PDE3B: variants seen among roughly 807,000 people sequenced by gnomAD.
The protein encoded by PDE3B is cGMP-inhibited 3',5'-cyclic phosphodiesterase 3B.
In PDE3B, 66 loss-of-function variants were observed where a neutral mutation model predicts 116.8. The ratio of observed to expected loss-of-function variants is 0.56; its 90% CI spans 0.46 to 0.69. The LOEUF (loss-of-function observed/expected upper bound fraction) is 0.69, where lower values mean the gene tolerates loss of function less well. Among genes scored for constraint, PDE3B ranks in the 30% least tolerant of loss-of-function variants. The probability of loss-of-function intolerance (pLI) is 0.00; values close to 1 mark genes in which losing one functional copy is unlikely to be tolerated. For synonymous variants in PDE3B, 595 were observed against 533.6 expected, an observed-to-expected ratio of 1.12 and a Z score of -1.59; for missense variants, 1,384 against 1,368.1, an observed-to-expected ratio of 1.01 and a Z score of -0.18.
In PDE3B at chr11:14,644,261, G is replaced by A; in HGVS notation, c.186G>A (p.Pro62=). ...CRFCNVELRP[P]PASPQQPRRC... is the part of the protein sequence containing the mutation. ...TCTGCAACGTGGAGCTGCGGCCGCC[G>A]CCGGCCTCTCCCCAGCAGCCGCGGC... is the stretch of plus-strand genomic sequence containing the variant. Residue 62 remains proline, a synonymous_variant, in exon 1 of 16, where the codon CCG becomes CCA. Transcript: ENST00000282096. The A allele has an allele frequency of 1.3e-6, 2 of 1,567,704 alleles. No individual in the cohort carries two copies. Among genetic ancestry groups the A allele is most frequent in the South Asian group, 1.1e-5 (1 of 86,968 alleles).
the PDE3B span, chr11:14,878,349 AAATT>A: frequency 9.8e-6 from 15 of 1,534,204 alleles, no homozygotes; most frequent in East Asian, 3.2e-4. Context: ...ATCTTTACCA[AAATT>A]AATGTCTAAT....
At chr11:14,681,372 G>A (rs930475428) in intron 1 of PDE3B, among the ~76,000 whole-genome samples, 1 of 152,118 alleles carries the variant, frequency 6.6e-6, no homozygotes, top group African/African-American at 2.4e-5. Flanking sequence ...TAATTGAATT[G>A]TGGGGGAGGG....
chr11:14,718,115 G>T (rs1416691680), intron 1 of PDE3B, among the ~76,000 whole-genome samples: 1 of 144,052 alleles, frequency 6.9e-6, no homozygotes, highest in Non-Finnish European at 1.5e-5. Context: ...GGCAGGGGTT[G>T]CAATCCTAGT....
At chr11:14,862,634 C>T (rs1009827098) in intron 14 of PDE3B, among the ~76,000 whole-genome samples, 7 of 152,074 alleles carry the variant, frequency 4.6e-5, no homozygotes, top group African/African-American at 1.7e-4. Flanking sequence ...AGTGCAGTGG[C>T]GCGATCTCGG....
At chr11:14,676,465 G>A (rs551824736) in intron 1 of PDE3B, among the ~76,000 whole-genome samples, 99 of 152,214 alleles carry the variant, frequency 6.5e-4, no homozygotes, top group Non-Finnish European at 6.9e-4. Context: ...CATAGAAAAA[G>A]TACGGTAAAA....
At chr11:14,830,596 G>A (rs1429023808) in intron 7 of PDE3B, 102 bp from the exon 8 acceptor site, 8 of 488,660 alleles carry the variant, frequency 1.6e-5, no homozygotes, top group Non-Finnish European at 2.4e-5. Flanking sequence ...ACTCCATTAT[G>A]ATTCATTTTA....
chr11:14,662,918 G>T (rs1414213427), intron 1 of PDE3B, among the ~76,000 whole-genome samples: 1 of 152,122 alleles, frequency 6.6e-6, no homozygotes, highest in African/African-American at 2.4e-5. Flanking sequence ...CCCCAATCTA[G>T]CAAGGTAGGC....
Position 14,859,343 on chromosome 11 carries a change from T to G in PDE3B, c.2724+97T>G, listed in dbSNP as rs1406192511. 1.5e-5 allele frequency: 11 copies of G among 733,502 alleles called. No homozygotes were observed. In the South Asian group the frequency reaches 2.3e-4, roughly 15 times the overall value. 45.4% of individuals were successfully genotyped at this position (733,502 alleles called of 1,614,324 possible). On this transcript the variant is annotated intron_variant, in intron 13 of 15. Transcript: ENST00000282096. Reference sequence around the variant, plus strand: ...AATGTTAAGTTAGAATTATTACTACTTAGGAAGTAACAATAAATAGTTGAT... The same window carrying G: ...AATGTTAAGTTAGAATTATTACTACGTAGGAAGTAACAATAAATAGTTGAT...
chr11:14,770,729 G>A (rs1031235649), intron 1 of PDE3B, among the ~76,000 whole-genome samples: 1 of 151,566 alleles, frequency 6.6e-6, no homozygotes, highest in African/African-American at 2.4e-5. Flanking sequence ...TACTGTGTCT[G>A]AATTTTCTTT....
chr11:14,688,970 G>A (rs1361799846), intron 1 of PDE3B, among the ~76,000 whole-genome samples: 2 of 152,054 alleles, frequency 1.3e-5, no homozygotes, highest in East Asian at 1.9e-4. Context: ...GTGAAGTTTC[G>A]CCATGCTGGC....
intron 1 of PDE3B, among the ~76,000 whole-genome samples, chr11:14,717,899 G>A (rs1325718194): frequency 7.3e-6 from 1 of 136,060 alleles, no homozygotes; most frequent in African/African-American, 2.8e-5. Flanking sequence ...CATAATGACA[G>A]GATCAAATTC....
intron 1 of PDE3B, among the ~76,000 whole-genome samples, chr11:14,759,542 G>A (rs1857293801): frequency 6.7e-6 from 1 of 149,158 alleles, no homozygotes; most frequent in South Asian, 2.1e-4. Context: ...CTGTCTATCA[G>A]AAGTAGTTTT....
intron 1 of PDE3B, among the ~76,000 whole-genome samples, chr11:14,757,244 A>G (rs2133882597): frequency 6.6e-6 from 1 of 151,292 alleles, no homozygotes; most frequent in South Asian, 2.1e-4. Context: ...GCTATTGTGA[A>G]TAATGCCGCA....
Position 14,826,299 on chromosome 11 carries a change from A to G in PDE3B, c.1808-4399A>G, listed in dbSNP as rs1484329818. On this transcript the variant is annotated intron_variant, in intron 7 of 15. Coordinates refer to ENST00000282096, the MANE Select transcript of PDE3B (RefSeq NM_000922.4). ...CTGAACTGAAGGTGATTGAGACACAAAAACACCATCCAAAAGATGAATGAA... is the reference window on the plus strand; with the variant it reads ...CTGAACTGAAGGTGATTGAGACACAGAAACACCATCCAAAAGATGAATGAA... 4.6e-5 allele frequency among the ~76,000 whole-genome samples: 7 copies of G among 152,218 alleles called. No individual in the cohort carries two copies. The East Asian group carries it at 1.3e-3, about 29-fold the overall frequency.
intron 1 of PDE3B, among the ~76,000 whole-genome samples, chr11:14,768,850 A>C (rs1311543623): frequency 6.6e-6 from 1 of 151,536 alleles, no homozygotes; most frequent in East Asian, 1.9e-4. Context: ...TATGGACCAC[A>C]CTTTGAATAC....
At chr11:14,676,554 A>G (rs913204474) in intron 1 of PDE3B, among the ~76,000 whole-genome samples, 18 of 152,162 alleles carry the variant, frequency 1.2e-4, no homozygotes, top group Non-Finnish European at 2.4e-4. Flanking sequence ...TCAGTGAGTG[A>G]GAGGTGAGTG....
At chr11:14,651,802 T>C (rs188128612) in intron 1 of PDE3B, among the ~76,000 whole-genome samples, 23 of 152,214 alleles carry the variant, frequency 1.5e-4, no homozygotes, top group African/African-American at 5.3e-4. Context: ...CTGTCCTATA[T>C]CAAATTTCAA....
At chr11:14,833,051 A>G (rs1859946590) in intron 10 of PDE3B, among the ~76,000 whole-genome samples, 1 of 151,876 alleles carries the variant, frequency 6.6e-6, no homozygotes, top group South Asian at 2.1e-4. Flanking sequence ...CCCACGTTCA[A>G]GTGATTCTCC....
intron 5 of PDE3B, among the ~76,000 whole-genome samples, chr11:14,808,001 G>A (rs1021959205): frequency 4.6e-5 from 7 of 151,630 alleles, no homozygotes; most frequent in Non-Finnish European, 4.4e-5. Context: ...CAGAGATTGC[G>A]GTGAGCCGAG....
Sources: gnomAD v4.1 joint callset for allele counts (sites outside exome capture counted in the v4.1 genomes callset) on GRCh38, gnomAD v4.1.1 for gene constraint, MANE v1.5 for transcripts, NCBI Gene and HGNC (gene_info 2026-07-23, HGNC 2026-07-21) for gene names.